The following SORCS2 variants were observed in gnomAD, a reference collection of about 807,000 sequenced individuals.
SORCS2 encodes sortilin related VPS10 domain containing receptor 2.
In SORCS2, 100 loss-of-function variants were observed where a neutral mutation model predicts 141.6. That is an observed-to-expected ratio of 0.71 (90% CI 0.60 to 0.83). The LOEUF (loss-of-function observed/expected upper bound fraction) is 0.83, where lower values mean the gene tolerates loss of function less well. Among genes scored for constraint, SORCS2 ranks in the 40% least tolerant of loss-of-function variants. The pLI is 0.00. For missense variants in SORCS2, 1,646 were observed against 1,560.2 expected (o/e 1.05, Z -0.93); for synonymous variants, 789 against 676.9 (o/e 1.17, Z -2.57).
At chr4:7,332,953 A>G (rs76603978) in intron 1 of SORCS2, among the ~76,000 whole-genome samples, 25,214 of 152,160 alleles carry the variant, frequency 0.17, 2,649 homozygotes, top group East Asian at 0.42. Context: ...AGGGAGAGCC[A>G]TATTTACCCA....
chr4:7,590,814 G>C (rs570643690), intron 3 of SORCS2, among the ~76,000 whole-genome samples: 16 of 152,308 alleles, frequency 1.1e-4, no homozygotes, highest in African/African-American at 3.8e-4. Context: ...GAGACTTCTG[G>C]CCTCCAGAAT....
At chr4:7,556,750 C>G (rs1414084189) in intron 3 of SORCS2, among the ~76,000 whole-genome samples, 1 of 151,468 alleles carries the variant, frequency 6.6e-6, no homozygotes, top group African/African-American at 2.4e-5. Flanking sequence ...GTCCACCCAT[C>G]TACCTACCAC....
In SORCS2 at chr4:7,361,777, A is replaced by C. The variant is rs538757783; in HGVS notation, c.481-34511A>C. On this transcript the variant is annotated intron_variant, in intron 1 of 26. Coordinates refer to ENST00000507866, the MANE Select transcript of SORCS2 (RefSeq NM_020777.3). ...CACACAGTGGCTAAGAAAAAAAAAA[A>C]CACAACGAACGCAGGTGGAATGCTA... Among the ~76,000 whole-genome samples the C allele has an allele frequency of 3.8e-3, 573 of 151,870 alleles. 4 individuals are homozygous for C. Among genetic ancestry groups the C allele is most frequent in the African/African-American group, 0.013 (537 of 41,432 alleles).
In SORCS2 at chr4:7,286,715, C is replaced by T. The variant is rs916895207; in HGVS notation, c.480+93589C>T. ...CCTGCCTTCTGGCCTGGCACTTTTTCCACAATGCCTCAGAGGTTGCACATG... is the reference window on the plus strand; with the variant it reads ...CCTGCCTTCTGGCCTGGCACTTTTTTCACAATGCCTCAGAGGTTGCACATG... On this transcript the variant is annotated intron_variant, in intron 1 of 26. Coordinates refer to ENST00000507866, the MANE Select transcript of SORCS2 (RefSeq NM_020777.3). The surrounding 1 kb of genome is among the most constrained non-coding windows in gnomAD (Gnocchi z 4.1). Among the ~76,000 whole-genome samples, 2 of 152,160 alleles carry T rather than the reference C, an allele frequency of 1.3e-5. No homozygotes were observed. Among genetic ancestry groups the T allele is most frequent in the African/African-American group, 4.8e-5 (2 of 41,430 alleles).
Position 7,396,331 on chromosome 4 carries a change from A to G in SORCS2, c.524A>G (p.Lys175Arg). 6.2e-7 allele frequency: 1 copy of G among 1,614,002 alleles called. No homozygotes were observed. Among genetic ancestry groups the G allele is most frequent in the Non-Finnish European group, 8.5e-7 (1 of 1,179,874 alleles). ...AAGTACTACCACGCAGACATGGGGAAGGTTCTGGAAAGTTCTCTGTGGCGG... is the reference window on the plus strand; with the variant it reads ...AAGTACTACCACGCAGACATGGGGAGGGTTCTGGAAAGTTCTCTGTGGCGG... ...LTKYYHADMGKVLESSLWRSS... is the reference protein window; with the variant it reads ...LTKYYHADMGRVLESSLWRSS... The change falls in exon 2 of 27, where the codon AAG (lysine) becomes AGG (arginine). Residue 175 changes from lysine to arginine, a missense_variant. Transcript: ENST00000507866.
intron 1 of SORCS2, among the ~76,000 whole-genome samples, chr4:7,372,717 T>C (rs1460324271): frequency 6.6e-6 from 1 of 151,964 alleles, no homozygotes; most frequent in Non-Finnish European, 1.5e-5. Flanking sequence ...CCCCCAGAAG[T>C]TCCCCTGTGC....
At chr4:7,429,521 A>G (rs1224655738) in intron 2 of SORCS2, among the ~76,000 whole-genome samples, 2 of 152,258 alleles carry the variant, frequency 1.3e-5, no homozygotes, top group Non-Finnish European at 2.9e-5. Context: ...TAAAAATATA[A>G]CAATGAAAAT....
chr4:7,301,869 C>G (rs1054744387), intron 1 of SORCS2, among the ~76,000 whole-genome samples: 2 of 152,226 alleles, frequency 1.3e-5, no homozygotes, highest in African/African-American at 4.8e-5. Context: ...CTGCAGGGCT[C>G]TTTCTTGGAT....
intron 2 of SORCS2, among the ~76,000 whole-genome samples, chr4:7,446,961 G>T (rs1728041705): frequency 6.6e-6 from 1 of 152,220 alleles, no homozygotes; most frequent in African/African-American, 2.4e-5. Flanking sequence ...TTCACCTTCA[G>T]CCGGGCTGTC....
At chr4:7,662,983 TGAGTGAGTGAGC>T (rs1722270620) in intron 6 of SORCS2, among the ~76,000 whole-genome samples, 1 of 151,834 alleles carries the variant, frequency 6.6e-6, no homozygotes, top group Non-Finnish European at 1.5e-5. Flanking sequence ...AGTGAGTGAG[TGAGTGAGTGAGC>T]GAGTGAGTGG....
In SORCS2 at chr4:7,433,084, G is replaced by T. The variant is rs551571989; in HGVS notation, c.548+36729G>T. ...AGCCTTGGCTGGGTCAGGGAGCGGG[G>T]CACATGAGTGTGTTCCGGTCCAGTA... On this transcript the variant is annotated intron_variant, in intron 2 of 26. Transcript: ENST00000507866. The T allele has an allele frequency of 3.3e-4, 128 of 384,974 alleles. 1 individual carries two copies. The East Asian group carries it at 4.6e-3, about 14-fold the overall frequency. 23.8% of individuals were successfully genotyped at this position (384,974 alleles called of 1,614,324 possible).
intron 1 of SORCS2, among the ~76,000 whole-genome samples, chr4:7,198,385 C>T (rs1727290997): frequency 1.3e-5 from 2 of 152,158 alleles, no homozygotes; most frequent in African/African-American, 4.8e-5. Context: ...CTCCAGTCCA[C>T]CTTAGAGGAC....
chr4:7,258,911 G>A (rs192564685), intron 1 of SORCS2, among the ~76,000 whole-genome samples: 200 of 152,304 alleles, frequency 1.3e-3, no homozygotes, highest in Non-Finnish European at 2.0e-3. Context: ...TTTGTTGGCT[G>A]CATAAGTGTC....
intron 2 of SORCS2, among the ~76,000 whole-genome samples, chr4:7,474,523 G>A (rs923493426): frequency 1.3e-5 from 2 of 152,220 alleles, no homozygotes; most frequent in Non-Finnish European, 2.9e-5. Flanking sequence ...GGAGGGCATG[G>A]GCCAGCAGGG....
chr4:7,736,956 C>T, intron 25 of SORCS2, 113 bp from the exon 26 acceptor site: 2 of 1,368,162 alleles, frequency 1.5e-6, no homozygotes, highest in South Asian at 2.8e-5. Context: ...CTCTGGAGTG[C>T]TGTGGGCACC....
chr4:7,219,713 G>A (rs1271013259), intron 1 of SORCS2, among the ~76,000 whole-genome samples: 1 of 152,208 alleles, frequency 6.6e-6, no homozygotes, highest in Non-Finnish European at 1.5e-5. Context: ...TTCCTGCTGG[G>A]TCCCTCCCAT....
At chr4:7,400,670 G>C (rs1013013208) in intron 2 of SORCS2, among the ~76,000 whole-genome samples, 2 of 152,206 alleles carry the variant, frequency 1.3e-5, no homozygotes, top group Admixed American at 1.3e-4. Context: ...TGGATGGACA[G>C]ATGGACGAAT....
chr4:7,395,804 G>A (rs1724174417), intron 1 of SORCS2, among the ~76,000 whole-genome samples: 1 of 152,132 alleles, frequency 6.6e-6, no homozygotes, highest in African/African-American at 2.4e-5. Flanking sequence ...AATGACAGAC[G>A]GACCACAGGG....
chr4:7,572,769 C>T (rs1387699763), intron 3 of SORCS2, among the ~76,000 whole-genome samples: 1 of 152,234 alleles, frequency 6.6e-6, no homozygotes, highest in Non-Finnish European at 1.5e-5. Flanking sequence ...CTTGCAAACT[C>T]ACTGAAAGGT....
Sources: gnomAD v4.1 joint callset for allele counts (sites outside exome capture counted in the v4.1 genomes callset) on GRCh38, gnomAD v4.1.1 for gene constraint, Gnocchi (gnomAD v3.1) non-coding constraint, MANE v1.5 for transcripts, NCBI Gene and HGNC (gene_info 2026-07-23, HGNC 2026-07-21) for gene names.